The following ZNF611 variants were observed in gnomAD, a reference collection of about 807,000 sequenced individuals.
The protein encoded by ZNF611 is zinc finger protein 611.
In ZNF611, 6 loss-of-function variants were observed where a neutral mutation model predicts 8.9. That is an observed-to-expected ratio of 0.68 (90% CI 0.37 to 1.34). ZNF611 has a LOEUF of 1.34. ZNF611 is among the 40% of genes most tolerant of loss of function. The pLI is 0.02. For missense variants in ZNF611, 874 were observed against 841.3 expected (o/e 1.04, Z -0.48); for synonymous variants, 262 against 279.7 (o/e 0.94, Z 0.63).
intron 3 of ZNF611, among the ~76,000 whole-genome samples, chr19:52,722,873 G>T (rs1182479147): frequency 7.3e-5 from 11 of 151,588 alleles, no homozygotes; most frequent in Non-Finnish European, 1.6e-4. Flanking sequence ...TGAAATTACA[G>T]GTGCACATTA....
chr19:52,725,408 C>T (rs534444104), intron 3 of ZNF611, among the ~76,000 whole-genome samples: 2 of 152,242 alleles, frequency 1.3e-5, no homozygotes, highest in African/African-American at 2.4e-5. Context: ...GCGCCCAGGG[C>T]GGGAATCCAG....
rs768163326 is a variant in ZNF611, at chr19:52,705,329, T to C, written c.1726A>G (p.Ser576Gly). The C allele has an allele frequency of 6.2e-7, 1 of 1,614,014 alleles. No homozygotes were observed. The highest frequency in any genetic ancestry group is 1.3e-5 in the African/African-American group (1 of 74,900). Residue 576 changes from serine (S) to glycine (G), a missense_variant, in exon 6 of 6, where the codon AGT (serine) becomes GGT (glycine). Coordinates refer to ENST00000652185, the MANE Select transcript of ZNF611 (RefSeq NM_001161499.2). The part of the protein sequence containing the change: ...YKCNECSKTF[S>G]HRSYLVCHHR... ...TGGCATACAAGGTATGACCTGTGAC[T>C]GAAGGTCTTGCTGCACTCATTACAC...
Position 52,704,489 on chromosome 19 carries a change from G to T in ZNF611, c.*448C>A. On this transcript the variant is annotated 3_prime_UTR_variant, in exon 6 of 6. Coordinates refer to ENST00000652185, the MANE Select transcript of ZNF611 (RefSeq NM_001161499.2). ...CTATGTTTTGCATAGGATGAAGCTTGACTGAAGACCTTGGCACAGTCATGA... is the reference window on the plus strand; with the variant it reads ...CTATGTTTTGCATAGGATGAAGCTTTACTGAAGACCTTGGCACAGTCATGA... 4.5e-6 allele frequency: 4 copies of T among 892,282 alleles called. No homozygotes were observed. Among genetic ancestry groups the T allele is most frequent in the South Asian group, 1.4e-5 (1 of 72,814 alleles). 55.3% of individuals were successfully genotyped at this position (892,282 alleles called of 1,614,324 possible). A position where few individuals can be genotyped will look rare whatever the true frequency, so the allele number is the denominator to read the frequency against.
In ZNF611 at chr19:52,704,678, C is replaced by T. The variant is rs1271897051; in HGVS notation, c.*259G>A. On this transcript the variant is annotated 3_prime_UTR_variant, in exon 6 of 6. Transcript: ENST00000652185. ...GCATTACTGAAGACTTTGTGACAAT[C>T]ATTACATTAGTCAAGTTTCCCTACA... is the stretch of plus-strand genomic sequence containing the variant. 5 of 1,596,210 alleles carry T rather than the reference C, an allele frequency of 3.1e-6. No homozygotes were observed. In the African/African-American group the frequency reaches 6.7e-5, roughly 21 times the overall value.
intron 3 of ZNF611, among the ~76,000 whole-genome samples, chr19:52,721,737 G>A (rs1259277760): frequency 6.6e-6 from 1 of 151,364 alleles, no homozygotes; most frequent in South Asian, 2.1e-4. Flanking sequence ...GAGGGAAAGG[G>A]AGAGGGAGAG....
At chr19:52,712,425 GC>G (rs1170531219) in intron 5 of ZNF611, among the ~76,000 whole-genome samples, 1 of 125,198 alleles carries the variant, frequency 8.0e-6, no homozygotes, top group Admixed American at 9.6e-5. Context: ...GACTAGCCTG[GC>G]CAGCATGCAT....
chr19:52,716,138 G>T lies in ZNF611; in HGVS notation c.-19-225C>A, dbSNP rs139762625. 8.0e-4 allele frequency: 409 copies of T among 514,034 alleles called. 1 individual carries two copies. In the East Asian group the frequency reaches 0.013, roughly 16 times the overall value. 31.8% of individuals were successfully genotyped at this position (514,034 alleles called of 1,614,324 possible). ...CTCTCCTGGAGAAGCCACCACACAC[G>T]AGGCAGCAGTGGGGAGCTGGGCTGG... On this transcript the variant is annotated intron_variant, in intron 3 of 5. Transcript: ENST00000652185.
At position 52,707,128 on chromosome 19, in the gene ZNF611, T is replaced by A. The variant is rs2062251145; in HGVS notation, c.191-264A>T. 2.0e-5 allele frequency among the ~76,000 whole-genome samples: 3 copies of A among 151,572 alleles called. No homozygotes were observed. In the South Asian group the frequency reaches 6.3e-4, roughly 32 times the overall value. ...ACATGTGTAAGCCTAAAGTAAGGAG[T>A]ATTTTTCCACTGTGACCCTGAACTG... is the stretch of plus-strand genomic sequence containing the variant. On this transcript the variant is annotated intron_variant, in intron 5 of 5. Coordinates refer to ENST00000652185, the MANE Select transcript of ZNF611 (RefSeq NM_001161499.2).
chr19:52,729,421 A>G (rs1044245721), intron 2 of ZNF611, among the ~76,000 whole-genome samples: 8 of 131,436 alleles, frequency 6.1e-5, no homozygotes, highest in African/African-American at 1.7e-4. Flanking sequence ...TGAACCTGGG[A>G]GGGAAAGGTT....
chr19:52,730,505 A>C (rs2062419943), intron 1 of ZNF611, among the ~76,000 whole-genome samples: 1 of 151,658 alleles, frequency 6.6e-6, no homozygotes, highest in Non-Finnish European at 1.5e-5. Flanking sequence ...ATGTTCCTGC[A>C]GATGGGGCCT....
intron 3 of ZNF611, 177 bp from the exon 4 acceptor site, chr19:52,716,090 A>T (rs1289079640): frequency 1.5e-6 from 1 of 680,316 alleles, no homozygotes; most frequent in Non-Finnish European, 2.4e-6. Flanking sequence ...TGTATATTTG[A>T]CCCCAGTCTT....
intron 5 of ZNF611, chr19:52,708,169 A>T (rs991314004): frequency 6.6e-6 from 1 of 152,146 alleles, no homozygotes. Flanking sequence ...ACATGTTAAG[A>T]TCACTACCTT....
Position 52,729,973 on chromosome 19 carries a change from G to A in ZNF611, c.-189C>T, listed in dbSNP as rs1377738105. The A allele has an allele frequency of 6.6e-6, 1 of 152,126 alleles. No individual in the cohort carries two copies. The highest frequency in any genetic ancestry group is 1.5e-5 in the Non-Finnish European group (1 of 68,042). The allele number at this position is 152,126 out of a possible 1,614,324, so 9.4% of individuals were successfully genotyped here. On this transcript the variant is annotated 5_prime_UTR_variant, in exon 2 of 6. Transcript: ENST00000652185. ...TATCACCAGGCAATACAGCAATTTT[G>A]TATATATGCATTGTCCTTCGTTATC...
At chr19:52,720,629 G>GGAT in intron 3 of ZNF611, among the ~76,000 whole-genome samples, 1 of 147,824 alleles carries the variant, frequency 6.8e-6, no homozygotes, top group South Asian at 2.2e-4. Context: ...CTCCCAGACG[G>GGAT]GGCAGCCGGG....
intron 3 of ZNF611, among the ~76,000 whole-genome samples, 194 bp downstream of exon 3, chr19:52,728,536 G>T (rs9749370): frequency 2.4e-4 from 36 of 152,088 alleles, no homozygotes; most frequent in African/African-American, 8.7e-4. Context: ...GAAACTCCAT[G>T]TCCGAGAAAG....
Position 52,705,850 on chromosome 19 carries a change from A to T in ZNF611, c.1205T>A (p.Val402Asp). ...HTGEKPYRCK[V>D]CDTAFTWHSQ... ...ATGCCACGTGAAAGCTGTGTCACAA[A>T]CCTTACATCTGTATGGTTTCTCTCC... Residue 402 changes from valine (V) to aspartate (D), a missense_variant, in exon 6 of 6, where the codon GTT becomes GAT. Val to Asp is a radical substitution (Grantham distance 152). Transcript: ENST00000652185. 2 of 1,613,900 alleles carry T rather than the reference A, an allele frequency of 1.2e-6. No homozygotes were observed. Among genetic ancestry groups the T allele is most frequent in the South Asian group, 2.2e-5 (2 of 91,054 alleles).
intron 3 of ZNF611, among the ~76,000 whole-genome samples, chr19:52,724,989 C>T (rs60756412): frequency 0.079 from 12,053 of 152,176 alleles, 1,231 homozygotes; most frequent in African/African-American, 0.24. Context: ...CCATCTGTTA[C>T]GGGCCTTTCT....
At chr19:52,732,894 C>A (rs2062434814) in intron 1 of ZNF611, among the ~76,000 whole-genome samples, 1 of 151,926 alleles carries the variant, frequency 6.6e-6, no homozygotes, top group South Asian at 2.1e-4. Flanking sequence ...GTCGAGGCTG[C>A]AGTTAGAGGA....
chr19:52,713,767 TATA>T (rs1204631615), intron 5 of ZNF611, among the ~76,000 whole-genome samples: 1 of 152,002 alleles, frequency 6.6e-6, no homozygotes, highest in East Asian at 1.9e-4. Flanking sequence ...CTCGCATGCC[TATA>T]ATAACAGCTA....
Sources: allele counts gnomAD v4.1 joint callset (sites outside exome capture counted in the v4.1 genomes callset), GRCh38; gene constraint gnomAD v4.1.1; transcripts MANE v1.5; gene names NCBI Gene and HGNC (gene_info 2026-07-23, HGNC 2026-07-21).